GRM7: variants seen among roughly 807,000 people sequenced by gnomAD.
The protein encoded by GRM7 is glutamate metabotropic receptor 7, also known as metabotropic glutamate receptor 7.
In GRM7, 35 loss-of-function variants were observed where a neutral mutation model predicts 84.5. The observed-to-expected ratio is 0.41, with a 90% CI of 0.32 to 0.55. GRM7 has a LOEUF of 0.55. GRM7 is among the 20% of genes least tolerant of loss of function. The probability of loss-of-function intolerance (pLI) is 0.19; values close to 1 mark genes in which losing one functional copy is unlikely to be tolerated. For synonymous variants in GRM7, 487 were observed against 455.1 expected (o/e 1.07, Z -0.89); for missense variants, 1,003 against 1,194.6 (o/e 0.84, Z 2.36).
intron 1 of GRM7, among the ~76,000 whole-genome samples, chr3:6,909,614 C>T (rs1696697865): frequency 1.3e-5 from 2 of 151,994 alleles, no homozygotes; most frequent in South Asian, 4.2e-4. Context: ...CTGAGATTTC[C>T]ACTGTATATA....
intron 9 of GRM7, among the ~76,000 whole-genome samples, chr3:7,734,809 G>C (rs545455291): frequency 1.3e-5 from 2 of 152,288 alleles, no homozygotes; most frequent in South Asian, 4.1e-4. Context: ...ATCTTCTCAA[G>C]TTGAGGAATG....
Position 7,643,018 on chromosome 3 carries a change from C to G in GRM7, c.2452-37031C>G, listed in dbSNP as rs985116316. On this transcript the variant is annotated intron_variant, in intron 8 of 9. Transcript: ENST00000357716. ...AAGAGAATCAAGGAGATTCCCAAGT[C>G]TCCTGAGTCCTTAAGACGGGGCTTT... Among the ~76,000 whole-genome samples the G allele has an allele frequency of 2.0e-5, 3 of 152,140 alleles. No homozygotes were observed. In the East Asian group the frequency reaches 5.8e-4, roughly 29 times the overall value.
intron 9 of GRM7, among the ~76,000 whole-genome samples, chr3:7,690,443 G>A (rs559766173): frequency 6.6e-6 from 1 of 152,230 alleles, no homozygotes; most frequent in East Asian, 1.9e-4. Context: ...AGCCTCAGCA[G>A]GTGAAATTAT....
Position 7,270,675 on chromosome 3 carries a change from TTACGGA to T in GRM7, c.737-28007_737-28002del, listed in dbSNP as rs549412620. ...TCAGCATAACTGTAAACAAACGCAG[TTACGGA>T]TGCTCGCCACTTGCAGAGCCCATTA... is the stretch of plus-strand genomic sequence containing the variant. On this transcript the variant is annotated intron_variant, in intron 2 of 9. Coordinates refer to ENST00000357716, the MANE Select transcript of GRM7 (RefSeq NM_000844.4). Among the ~76,000 whole-genome samples the T allele has an allele frequency of 2.5e-3, 384 of 152,246 alleles. 2 individuals are homozygous for T. The highest frequency in any genetic ancestry group is 4.6e-3 in the Non-Finnish European group (313 of 68,024).
chr3:7,662,142 C>T (rs983483302), intron 8 of GRM7, among the ~76,000 whole-genome samples: 3 of 151,642 alleles, frequency 2.0e-5, no homozygotes, highest in South Asian at 2.1e-4. Context: ...ATGAAAGATG[C>T]GAGACAAAAA....
At chr3:7,420,522 G>A (rs1206408375) in intron 5 of GRM7, among the ~76,000 whole-genome samples, 1 of 152,130 alleles carries the variant, frequency 6.6e-6, no homozygotes, top group Non-Finnish European at 1.5e-5. Flanking sequence ...GCTTGCCACA[G>A]ATTAATGATG....
At chr3:7,636,326 C>T (rs1292916907) in intron 8 of GRM7, 9 of 456,432 alleles carry the variant, frequency 2.0e-5, no homozygotes, top group Admixed American at 2.3e-5. Flanking sequence ...CCTCCCCGAC[C>T]GGACTAAATG....
At position 6,984,840 on chromosome 3, in the gene GRM7, G is replaced by A. The variant is rs981169940; in HGVS notation, c.519+122933G>A. Among the ~76,000 whole-genome samples the A allele has an allele frequency of 2.6e-5, 4 of 152,298 alleles. No individual in the cohort carries two copies. In the South Asian group the frequency reaches 8.3e-4, roughly 32 times the overall value. ...GGAGGCATTCCTGGGGCAGAATAAA[G>A]CTTTTTCCCATTGGAACTGAGAGAG... On this transcript the variant is annotated intron_variant, in intron 1 of 9. Transcript: ENST00000357716.
intron 8 of GRM7, among the ~76,000 whole-genome samples, chr3:7,621,980 T>C (rs889790877): frequency 2.0e-5 from 3 of 152,170 alleles, no homozygotes; most frequent in Non-Finnish European, 4.4e-5. Flanking sequence ...AACAACTCTA[T>C]CCTCATCAGA....
At chr3:7,534,346 A>G (rs1212858655) in intron 7 of GRM7, among the ~76,000 whole-genome samples, 5 of 152,158 alleles carry the variant, frequency 3.3e-5, no homozygotes, top group African/African-American at 4.8e-5. Context: ...ATACAACCTC[A>G]TTGAAGCCTT....
chr3:7,340,553 G>T (rs1167683949), intron 4 of GRM7, among the ~76,000 whole-genome samples: 1 of 152,050 alleles, frequency 6.6e-6, no homozygotes, highest in African/African-American at 2.4e-5. Context: ...TTCAACACCT[G>T]GGGATTACAA....
chr3:7,487,052 G>T (rs1699348402), intron 7 of GRM7, among the ~76,000 whole-genome samples: 1 of 152,120 alleles, frequency 6.6e-6, no homozygotes, highest in Admixed American at 6.6e-5. Flanking sequence ...GTATCTTATT[G>T]GGATTTGAAG....
At chr3:7,387,542 G>A (rs1483365545) in intron 4 of GRM7, among the ~76,000 whole-genome samples, 1 of 152,064 alleles carries the variant, frequency 6.6e-6, no homozygotes, top group Non-Finnish European at 1.5e-5. Flanking sequence ...TAATTGACTA[G>A]GATATATTTT....
rs1362193548 is a variant in GRM7, at chr3:6,986,431, G to GA, written c.519+124530dup. On this transcript the variant is annotated intron_variant, in intron 1 of 9. Transcript: ENST00000357716. The stretch of plus-strand genomic sequence containing the variant: ...ATAATGAACATTGAAAAACAAAAAT[G>GA]AAAAAACCTCATCTCCTAGTAATTC... Among the ~76,000 whole-genome samples, 3 of 152,004 alleles carry GA rather than the reference G, an allele frequency of 2.0e-5. No homozygotes were observed. In the East Asian group the frequency reaches 5.8e-4, roughly 29 times the overall value.
chr3:7,364,821 G>C (rs1351201623), intron 4 of GRM7, among the ~76,000 whole-genome samples: 1 of 151,620 alleles, frequency 6.6e-6, no homozygotes, highest in Non-Finnish European at 1.5e-5. Flanking sequence ...CTTACTATTT[G>C]TCCTAATTGT....
chr3:7,028,388 T>C (rs1696055632), intron 1 of GRM7, among the ~76,000 whole-genome samples: 1 of 152,186 alleles, frequency 6.6e-6, no homozygotes, highest in Admixed American at 6.6e-5. Flanking sequence ...GCAATATCTT[T>C]ATTGGATGGT....
chr3:7,267,260 G>C (rs1480771314), intron 2 of GRM7, among the ~76,000 whole-genome samples: 1 of 152,200 alleles, frequency 6.6e-6, no homozygotes, highest in Non-Finnish European at 1.5e-5. Context: ...CCAACTCACT[G>C]TCTTTGGTTT....
At chr3:6,956,703 A>G (rs896784634) in intron 1 of GRM7, 5 of 454,108 alleles carry the variant, frequency 1.1e-5, no homozygotes, top group African/African-American at 8.0e-5. Flanking sequence ...AACGCCTGAA[A>G]AAAGGTTTAT....
At chr3:6,921,855 C>T (rs1265720205) in intron 1 of GRM7, among the ~76,000 whole-genome samples, 1 of 152,138 alleles carries the variant, frequency 6.6e-6, no homozygotes, top group African/African-American at 2.4e-5. Flanking sequence ...ATGACTAGAA[C>T]ACAGGACAAG....
Sources: gnomAD v4.1 joint callset for allele counts (sites outside exome capture counted in the v4.1 genomes callset) on GRCh38, gnomAD v4.1.1 for gene constraint, MANE v1.5 for transcripts, NCBI Gene and HGNC (gene_info 2026-07-23, HGNC 2026-07-21) for gene names.